The following CSMD1 variants were observed in gnomAD, a reference collection of about 807,000 sequenced individuals.
CSMD1 encodes the protein CUB and sushi domain-containing protein 1.
CSMD1 carries 213 observed loss-of-function variants against 417.5 expected under a neutral mutation model. That is an observed-to-expected ratio of 0.51 (90% CI 0.46 to 0.57). The LOEUF is 0.57. Ranked by LOEUF, CSMD1 falls within the 20% of genes least tolerant of loss-of-function variation. CSMD1 has a pLI of 0.00. For synonymous variants in CSMD1, 2,862 were observed against 1,736.8 expected, an observed-to-expected ratio of 1.65 and a Z score of -16.11; for missense variants, 6,923 against 4,529.7, an observed-to-expected ratio of 1.53 and a Z score of -15.17.
intron 21 of CSMD1, among the ~76,000 whole-genome samples, chr8:3,356,866 G>C (rs1398313872): frequency 1.3e-5 from 2 of 152,160 alleles, no homozygotes; most frequent in Admixed American, 6.5e-5. Flanking sequence ...GGACAGCGTG[G>C]AGGGAGAGTG....
At chr8:3,502,840 C>T (rs139758272) in intron 10 of CSMD1, among the ~76,000 whole-genome samples, 3 of 152,072 alleles carry the variant, frequency 2.0e-5, no homozygotes, top group Non-Finnish European at 4.4e-5. Flanking sequence ...GGAGTGAGCC[C>T]TAACGTGCAC....
At chr8:4,230,842 T>A (rs543487390) in intron 3 of CSMD1, among the ~76,000 whole-genome samples, 29 of 152,310 alleles carry the variant, frequency 1.9e-4, no homozygotes, top group African/African-American at 6.3e-4. Context: ...TTTTTGTGGT[T>A]AGGAACAATC....
intron 3 of CSMD1, among the ~76,000 whole-genome samples, chr8:4,354,189 A>T (rs1801263154): frequency 6.6e-6 from 1 of 152,214 alleles, no homozygotes; most frequent in East Asian, 1.9e-4. Context: ...CATGTCCACA[A>T]GCACATCTTC....
At chr8:4,233,048 T>C (rs1044430568) in intron 3 of CSMD1, among the ~76,000 whole-genome samples, 3 of 152,194 alleles carry the variant, frequency 2.0e-5, no homozygotes, top group South Asian at 2.1e-4. Flanking sequence ...CAAGGATATG[T>C]TGCTCTAGGT....
chr8:4,374,965 G>GT (rs1554450670), intron 3 of CSMD1, among the ~76,000 whole-genome samples: 1 of 71,950 alleles, frequency 1.4e-5, no homozygotes, highest in Admixed American at 1.4e-4. Context: ...GTGGGGTGGG[G>GT]GGGGGGGGCG....
chr8:4,716,197 T>A (rs952190937), intron 1 of CSMD1, among the ~76,000 whole-genome samples: 1 of 152,140 alleles, frequency 6.6e-6, no homozygotes, highest in Non-Finnish European at 1.5e-5. Flanking sequence ...CGCCACCCAA[T>A]GGGGACTGCT....
intron 3 of CSMD1, among the ~76,000 whole-genome samples, chr8:4,101,260 T>C (rs561856513): frequency 3.3e-5 from 5 of 152,348 alleles, no homozygotes; most frequent in African/African-American, 7.2e-5. Flanking sequence ...GGTTAACTCA[T>C]TGCAACACTT....
intron 52 of CSMD1, among the ~76,000 whole-genome samples, chr8:3,010,046 C>A (rs2128962148): frequency 6.6e-6 from 1 of 152,278 alleles, no homozygotes; most frequent in African/African-American, 2.4e-5. Context: ...CCTCATTGTC[C>A]TCAAGCTTTG....
intron 38 of CSMD1, among the ~76,000 whole-genome samples, chr8:3,161,543 G>A (rs1819893134): frequency 6.6e-6 from 1 of 151,284 alleles, no homozygotes; most frequent in African/African-American, 2.4e-5. Context: ...TTTGAATCTG[G>A]GAGGCGGAGC....
At chr8:4,205,364 G>A (rs551811131) in intron 3 of CSMD1, among the ~76,000 whole-genome samples, 1 of 152,104 alleles carries the variant, frequency 6.6e-6, no homozygotes, top group South Asian at 2.1e-4. Context: ...TGTCACAAGG[G>A]AAAAAGTGTG....
At chr8:4,803,873 A>G (rs897026351) in intron 1 of CSMD1, among the ~76,000 whole-genome samples, 1 of 152,220 alleles carries the variant, frequency 6.6e-6, no homozygotes, top group African/African-American at 2.4e-5. Flanking sequence ...TAAGAATTTA[A>G]TGAGAGCCAA....
chr8:4,154,695 G>T (rs568920779), intron 3 of CSMD1, among the ~76,000 whole-genome samples: 1 of 152,160 alleles, frequency 6.6e-6, no homozygotes, highest in Non-Finnish European at 1.5e-5. Flanking sequence ...CATTAAAAAC[G>T]TACAAGGAAA....
intron 2 of CSMD1, among the ~76,000 whole-genome samples, chr8:4,474,687 C>G (rs374668590): frequency 3.3e-5 from 5 of 152,100 alleles, no homozygotes; most frequent in East Asian, 1.9e-4. Context: ...ACGTGGATCT[C>G]AACTGAGCAG....
chr8:4,782,359 A>T (rs1340427993), intron 1 of CSMD1, among the ~76,000 whole-genome samples: 2 of 152,242 alleles, frequency 1.3e-5, no homozygotes, highest in African/African-American at 4.8e-5. Context: ...ACTACTGATT[A>T]TACCCCATAA....
chr8:3,382,016 G>T (rs963164760), intron 18 of CSMD1, among the ~76,000 whole-genome samples: 7 of 152,092 alleles, frequency 4.6e-5, no homozygotes, highest in Non-Finnish European at 7.3e-5. Context: ...CCAGCACTTT[G>T]GGAGGCCGAG....
chr8:3,865,471 G>T lies in CSMD1; in HGVS notation c.819-111429C>A, dbSNP rs542059564. On this transcript the variant is annotated intron_variant, in intron 5 of 69. Coordinates refer to ENST00000635120, the MANE Select transcript of CSMD1 (RefSeq NM_033225.6). ...AGAGTCACAGGTGCTCTTCAGAGAT[G>T]GGAGGTGCTCTGGGAAATCAGAAAA... 6.6e-5 allele frequency among the ~76,000 whole-genome samples: 10 copies of T among 152,162 alleles called. No individual in the cohort carries two copies. In the East Asian group the frequency reaches 1.9e-3, roughly 29 times the overall value.
Position 4,937,784 on chromosome 8 carries a change from G to GCACA in CSMD1, c.85+56544_85+56547dup, listed in dbSNP as rs112025933. 3.1e-3 allele frequency among the ~76,000 whole-genome samples: 471 copies of GCACA among 149,614 alleles called. 1 individual carries two copies. The highest frequency in any genetic ancestry group is 3.5e-3 in the Middle Eastern group (1 of 288). On this transcript the variant is annotated intron_variant, in intron 1 of 69. Coordinates refer to ENST00000635120, the MANE Select transcript of CSMD1 (RefSeq NM_033225.6). Reference sequence around the variant, plus strand: ...AGAAGTTTCTCACACAGTGGCGCGTGCACACACACACACACACACACAACT... The same window carrying GCACA: ...AGAAGTTTCTCACACAGTGGCGCGTGCACACACACACACACACACACACACAACT...
At chr8:4,337,838 C>A (rs897743339) in intron 3 of CSMD1, among the ~76,000 whole-genome samples, 1 of 152,100 alleles carries the variant, frequency 6.6e-6, no homozygotes. Flanking sequence ...TATAAAACTT[C>A]TTGTTCCTTC....
At chr8:4,192,503 G>T (rs752068820) in intron 3 of CSMD1, among the ~76,000 whole-genome samples, 1 of 151,578 alleles carries the variant, frequency 6.6e-6, no homozygotes, top group South Asian at 2.1e-4. Context: ...ACTAAAGCCC[G>T]TTTAAGACAA....
Sources: gnomAD v4.1 joint callset for allele counts (sites outside exome capture counted in the v4.1 genomes callset) on GRCh38, gnomAD v4.1.1 for gene constraint, MANE v1.5 for transcripts, NCBI Gene and HGNC (gene_info 2026-07-23, HGNC 2026-07-21) for gene names.